The following RANBP2 variants were observed in gnomAD, a reference collection of about 807,000 sequenced individuals.
The protein encoded by RANBP2 is E3 SUMO-protein ligase RanBP2.
RANBP2 carries 57 observed loss-of-function variants against 303.6 expected under a neutral mutation model. The ratio of observed to expected loss-of-function variants is 0.19; its 90% CI spans 0.15 to 0.23. RANBP2 has a LOEUF of 0.23. Ranked by LOEUF, RANBP2 falls within the 10% of genes least tolerant of loss-of-function variation. The pLI, the probability that RANBP2 is intolerant of heterozygous loss-of-function variation, is 1.00. For synonymous variants in RANBP2, 1,167 were observed against 1,301.5 expected, an observed-to-expected ratio of 0.90 and a Z score of 2.23; for missense variants, 3,138 against 3,780.8, an observed-to-expected ratio of 0.83 and a Z score of 4.46.
At chr2:108,853,907 T>G in the RANBP2 span, among the ~76,000 whole-genome samples, 2 of 121,100 alleles carry the variant, frequency 1.7e-5, no homozygotes, top group East Asian at 2.1e-4. Context: ...ATATTATATA[T>G]TATATAGTAT....
At chr2:109,197,879 C>T in the RANBP2 span, among the ~76,000 whole-genome samples, 1 of 152,244 alleles carries the variant, frequency 6.6e-6, no homozygotes, top group Non-Finnish European at 1.5e-5. Flanking sequence ...GCACAGAAGA[C>T]TGCACTTGCC....
chr2:109,533,147 G>A, the RANBP2 span, among the ~76,000 whole-genome samples: 1 of 152,156 alleles, frequency 6.6e-6, no homozygotes, highest in African/African-American at 2.4e-5. Context: ...AAACAGAAAG[G>A]GAGGAAGGGA....
chr2:109,520,024 C>T, the RANBP2 span, among the ~76,000 whole-genome samples: 2 of 152,166 alleles, frequency 1.3e-5, no homozygotes, highest in Admixed American at 6.5e-5. Flanking sequence ...AAATAAATAC[C>T]GGTGTGCACG....
the RANBP2 span, among the ~76,000 whole-genome samples, chr2:109,305,666 A>G: frequency 6.6e-6 from 1 of 152,228 alleles, no homozygotes; most frequent in Non-Finnish European, 1.5e-5. Context: ...GCATTCGCTC[A>G]GTTCCACTGC....
At chr2:109,611,432 G>GAT in the RANBP2 span, among the ~76,000 whole-genome samples, 1 of 151,198 alleles carries the variant, frequency 6.6e-6, no homozygotes, top group African/African-American at 2.4e-5. Flanking sequence ...TCACATATCT[G>GAT]AGAAAGGACT....
chr2:108,980,908 A>C, the RANBP2 span, among the ~76,000 whole-genome samples: 1 of 152,120 alleles, frequency 6.6e-6, no homozygotes, highest in Non-Finnish European at 1.5e-5. Flanking sequence ...CAGGGTCCTC[A>C]TGGTGTTTTG....
the RANBP2 span, among the ~76,000 whole-genome samples, chr2:109,059,432 G>T: frequency 1.3e-5 from 2 of 152,082 alleles, no homozygotes; most frequent in African/African-American, 4.8e-5. Context: ...ACAATTAGCC[G>T]GGTGTGGCGG....
chr2:109,051,031 C>G, the RANBP2 span, among the ~76,000 whole-genome samples: 1 of 152,162 alleles, frequency 6.6e-6, no homozygotes, highest in African/African-American at 2.4e-5. Context: ...TCATTGGTCT[C>G]TCCAGTGCCC....
chr2:109,091,245 A>C, the RANBP2 span, among the ~76,000 whole-genome samples: 1 of 152,022 alleles, frequency 6.6e-6, no homozygotes. Context: ...AAATAAAATA[A>C]AATAAAATAA....
chr2:109,110,510 T>C, the RANBP2 span, among the ~76,000 whole-genome samples: 1 of 152,144 alleles, frequency 6.6e-6, no homozygotes, highest in Non-Finnish European at 1.5e-5. Flanking sequence ...ACATCACCCA[T>C]AAAAATAACA....
the RANBP2 span, among the ~76,000 whole-genome samples, chr2:109,382,655 A>G: frequency 2.6e-5 from 4 of 152,320 alleles, no homozygotes; most frequent in African/African-American, 9.6e-5. Flanking sequence ...CTTCTGGTGC[A>G]TTCTAACATC....
the RANBP2 span, chr2:109,371,603 G>A: frequency 1.2e-5 from 19 of 1,613,920 alleles, no homozygotes; most frequent in Non-Finnish European, 1.6e-5. Flanking sequence ...TTCTGACGGT[G>A]CTCAGGAGAG....
the RANBP2 span, among the ~76,000 whole-genome samples, chr2:109,292,274 A>C: frequency 6.6e-6 from 1 of 152,242 alleles, no homozygotes; most frequent in African/African-American, 2.4e-5. Context: ...TAGGAAATAA[A>C]AGTTGCCCTT....
the RANBP2 span, among the ~76,000 whole-genome samples, chr2:109,388,940 T>C: frequency 6.6e-6 from 1 of 152,272 alleles, no homozygotes; most frequent in South Asian, 2.1e-4. Flanking sequence ...GGTGAGAACA[T>C]GAGGGCTGCA....
chr2:109,689,769 A>G, the RANBP2 span, among the ~76,000 whole-genome samples: 1 of 152,178 alleles, frequency 6.6e-6, no homozygotes, highest in Admixed American at 6.5e-5. Context: ...TTTCATCCAT[A>G]TGGGTTGGAT....
chr2:109,192,560 T>A, the RANBP2 span, among the ~76,000 whole-genome samples: 1 of 152,170 alleles, frequency 6.6e-6, no homozygotes, highest in Non-Finnish European at 1.5e-5. Context: ...AGCGTGGTCC[T>A]CATGTGGAAT....
chr2:109,618,535 A>G, the RANBP2 span: 2 of 167,048 alleles, frequency 1.2e-5, no homozygotes, highest in African/African-American at 4.8e-5. Context: ...AACTACTTCT[A>G]GCATTCCTTT....
Position 108,727,222 on chromosome 2 carries a change from G to A in RANBP2, c.73-1910G>A, listed in dbSNP as rs145709354. Among the ~76,000 whole-genome samples the A allele has an allele frequency of 4.8e-3, 727 of 152,280 alleles. 2 individuals carry two copies. The highest frequency in any genetic ancestry group is 6.6e-3 in the Non-Finnish European group (451 of 68,026). On this transcript the variant is annotated intron_variant, in intron 1 of 28. Transcript: ENST00000283195. ...CCAGTAGGGGCGGCCGGGCAGAGGC[G>A]CCCCTCAGAAGAGGTGAGTTTTTGA...
chr2:108,844,706 G>C, the RANBP2 span, among the ~76,000 whole-genome samples: 1 of 150,282 alleles, frequency 6.7e-6, no homozygotes, highest in Non-Finnish European at 1.5e-5. Context: ...TATTTTTGGA[G>C]TTTTTTCTCT....
Sources: gnomAD v4.1 joint callset for allele counts (sites outside exome capture counted in the v4.1 genomes callset) on GRCh38, gnomAD v4.1.1 for gene constraint, MANE v1.5 for transcripts, NCBI Gene and HGNC (gene_info 2026-07-23, HGNC 2026-07-21) for gene names.